The following MYO7B variants were observed in gnomAD, a reference collection of about 807,000 sequenced individuals.
The protein encoded by MYO7B is myosin VIIB.
A neutral mutation model predicts 259.7 loss-of-function variants in MYO7B; 212 were observed. The observed-to-expected ratio is 0.82, with a 90% confidence interval of 0.73 to 0.91. MYO7B has a LOEUF of 0.91. Ranked by LOEUF, MYO7B falls within the 40% of genes least tolerant of loss-of-function variation. MYO7B has a pLI of 0.00. For synonymous variants in MYO7B, 1,197 were observed against 1,166.4 expected (o/e 1.03, Z -0.54); for missense variants, 2,732 against 2,813.5 (o/e 0.97, Z 0.66).
At chr2:127,612,165 G>A (rs932955971) in intron 24 of MYO7B, 85 bp from the exon 25 acceptor site, 14 of 502,950 alleles carry the variant, frequency 2.8e-5, no homozygotes, top group South Asian at 1.2e-4. Context: ...AAAGGGACAC[G>A]TGCTCCACCC....
chr2:127,569,207 C>CAAAA (rs35076829), intron 5 of MYO7B, among the ~76,000 whole-genome samples: 5 of 77,390 alleles, frequency 6.5e-5, no homozygotes, highest in African/African-American at 9.1e-5. Flanking sequence ...GACTCCGTCT[C>CAAAA]AAAAAAAAAA....
At chr2:127,540,289 G>A (rs766088398) in intron 1 of MYO7B, among the ~76,000 whole-genome samples, 2 of 151,536 alleles carry the variant, frequency 1.3e-5, no homozygotes, top group South Asian at 2.1e-4. Flanking sequence ...TCAGCCTCCC[G>A]AGTAGCTGGG....
rs768095367 is a variant in MYO7B, at chr2:127,634,210, A to G, written c.5546A>G (p.Asp1849Gly). The G allele has an allele frequency of 1.9e-6, 3 of 1,604,572 alleles. No homozygotes were observed. The highest frequency in any genetic ancestry group is 3.5e-5 in the Admixed American group (2 of 57,702). The part of the protein sequence containing the change: ...LEVVANTRVR[D>G]VCDSIATRLQ... ...GTGGTTGCCAACACACGGGTGCGGGATGTGTGTGACAGCATTGCCACCAGG... is the reference window on the plus strand; with the variant it reads ...GTGGTTGCCAACACACGGGTGCGGGGTGTGTGTGACAGCATTGCCACCAGG... The change falls in exon 41 of 48, where the codon GAT becomes GGT. Residue 1849 changes from aspartate (D) to glycine (G), a missense_variant. Around this residue, in one of 3 missense-constraint regions of MYO7B, gnomAD observed 821 missense variants for 769.3 expected, o/e 1.07. Transcript: ENST00000409816.
rs1678951051 is a variant in MYO7B at position 127,578,126 on chromosome 2, C to A, written c.850-7C>A. On this transcript the variant is annotated splice_polypyrimidine_tract_variant and splice_region_variant and intron_variant, in intron 8 of 47. Transcript: ENST00000409816. ...GGCCCCATTCACTGAGGCACCCTGTCCCTCAGGGGAACTGCACTTCCTGTG... is the reference window on the plus strand; with the variant it reads ...GGCCCCATTCACTGAGGCACCCTGTACCTCAGGGGAACTGCACTTCCTGTG... 1.2e-5 allele frequency: 19 copies of A among 1,613,304 alleles called. No individual in the cohort carries two copies. The highest frequency in any genetic ancestry group is 1.5e-5 in the Non-Finnish European group (18 of 1,179,714).
In MYO7B at chr2:127,566,840, G is replaced by C; in HGVS notation, c.470+13G>C. On this transcript the variant is annotated intron_variant, in intron 5 of 47. Transcript: ENST00000409816. Reference sequence around the variant, plus strand: ...GCTGCATCATCAGGTGAGGCAGAGGGGTCAGGCACCACCTCCAGGCATCTC... The same window carrying C: ...GCTGCATCATCAGGTGAGGCAGAGGCGTCAGGCACCACCTCCAGGCATCTC... 1 of 1,602,676 alleles carries C rather than the reference G, an allele frequency of 6.2e-7. No individual in the cohort carries two copies. Among genetic ancestry groups the C allele is most frequent in the Non-Finnish European group, 8.5e-7 (1 of 1,177,148 alleles).
intron 26 of MYO7B, among the ~76,000 whole-genome samples, chr2:127,617,566 C>T (rs12692067): frequency 7.2e-6 from 1 of 139,178 alleles, no homozygotes; most frequent in Admixed American, 7.2e-5. Context: ...GCAGTGGCGC[C>T]ATCTCGGCTC....
intron 5 of MYO7B, among the ~76,000 whole-genome samples, chr2:127,567,126 G>A (rs577702262): frequency 6.6e-5 from 10 of 152,252 alleles, no homozygotes; most frequent in African/African-American, 2.2e-4. Flanking sequence ...CCCAGGAGTC[G>A]GGCATAGTAG....
chr2:127,603,839 T>C lies in MYO7B; in HGVS notation c.2340-2005T>C, dbSNP rs566102869. Reference sequence around the variant, plus strand: ...CCAATATAAGGCTGTTTTGTCTACATTGAAAATCTGTTGGCCAGGTGTGGT... The same window carrying C: ...CCAATATAAGGCTGTTTTGTCTACACTGAAAATCTGTTGGCCAGGTGTGGT... On this transcript the variant is annotated intron_variant, in intron 19 of 47. Transcript: ENST00000409816. Among the ~76,000 whole-genome samples, 17 of 152,334 alleles carry C rather than the reference T, an allele frequency of 1.1e-4. No individual in the cohort carries two copies. In the South Asian group the frequency reaches 3.3e-3, roughly 30 times the overall value.
Position 127,627,542 on chromosome 2 carries a change from C to T in MYO7B, c.4460+232C>T, listed in dbSNP as rs762796919. On this transcript the variant is annotated intron_variant, in intron 33 of 47. Coordinates refer to ENST00000409816, the MANE Select transcript of MYO7B (RefSeq NM_001393586.1). The surrounding 1 kb of genome is among the most constrained non-coding windows in gnomAD (Gnocchi z 5.6). ...GGGGCATCACGCGTTGCACTGGCAG[C>T]TTCTCTTTGAAACCCAGGTCCACCC... 1 of 670,694 alleles carries T rather than the reference C, an allele frequency of 1.5e-6. No homozygotes were observed. 41.5% of individuals were successfully genotyped at this position (670,694 alleles called of 1,614,324 possible).
At position 127,628,150 on chromosome 2, in the gene MYO7B, C is replaced by T. The variant is rs1044348544; in HGVS notation, c.4461-222C>T. 3 of 684,612 alleles carry T rather than the reference C, an allele frequency of 4.4e-6. No individual in the cohort carries two copies. The highest frequency in any genetic ancestry group is 8.0e-6 in the Non-Finnish European group (3 of 376,366). The allele number at this position is 684,612 out of a possible 1,614,324, so 42.4% of individuals were successfully genotyped here. ...CATTATCTGCCCACAGCCAACCCCA[C>T]ACATGGGCTGCACCACTCTCAGCCT... On this transcript the variant is annotated intron_variant, in intron 33 of 47. Transcript: ENST00000409816. The surrounding 1 kb of genome is among the most constrained non-coding windows in gnomAD (Gnocchi z 4.8).
rs939878097 is a variant in MYO7B, at chr2:127,546,745, C to A, written c.-24+10914C>A. On this transcript the variant is annotated intron_variant, in intron 1 of 47. Coordinates refer to ENST00000409816, the MANE Select transcript of MYO7B (RefSeq NM_001393586.1). This position sits in a 1 kb window ranked among gnomAD's most constrained non-coding sequence, Gnocchi z 4.2. Reference sequence around the variant, plus strand: ...GCTTCCTGTAAGGGGCAATGCCTCACCTGCTTTCCTGGGTAGGTCCATCCA... The same window carrying A: ...GCTTCCTGTAAGGGGCAATGCCTCAACTGCTTTCCTGGGTAGGTCCATCCA... Among the ~76,000 whole-genome samples, 25 of 151,890 alleles carry A rather than the reference C, an allele frequency of 1.6e-4. No individual in the cohort carries two copies. The Middle Eastern group carries it at 0.014, about 83-fold the overall frequency.
chr2:127,570,869 G>T (rs1174032460), intron 6 of MYO7B, among the ~76,000 whole-genome samples: 1 of 151,508 alleles, frequency 6.6e-6, no homozygotes, highest in African/African-American at 2.4e-5. Context: ...GTAGCCTTTT[G>T]TGTCTAGTTA....
chr2:127,536,932 C>T (rs1222788065), intron 1 of MYO7B, among the ~76,000 whole-genome samples: 35 of 152,210 alleles, frequency 2.3e-4, no homozygotes, highest in Admixed American at 2.3e-3. Context: ...GCATCCACAG[C>T]TCTAGCACGG....
intron 9 of MYO7B, among the ~76,000 whole-genome samples, chr2:127,578,534 G>C (rs1268411681): frequency 1.3e-5 from 2 of 152,194 alleles, no homozygotes; most frequent in Non-Finnish European, 2.9e-5. Context: ...GGACCCAAAA[G>C]GGCTTCCCCC....
intron 43 of MYO7B, 87 bp downstream of exon 43, chr2:127,635,313 G>A: frequency 7.7e-7 from 1 of 1,300,636 alleles, no homozygotes. Context: ...GCAGGCCAGG[G>A]CAGGGCCAGC....
Position 127,579,359 on chromosome 2 carries a change from A to T in MYO7B, c.1003+1073A>T, listed in dbSNP as rs140507668. Among the ~76,000 whole-genome samples, 3 of 152,322 alleles carry T rather than the reference A, an allele frequency of 2.0e-5. No homozygotes were observed. In the East Asian group the frequency reaches 5.8e-4, roughly 29 times the overall value. ...ATGGGGTGTCCATATAGAAAACAAA[A>T]GCTTGGGCCACCATCTCACGCCATG... On this transcript the variant is annotated intron_variant, in intron 9 of 47. Coordinates refer to ENST00000409816, the MANE Select transcript of MYO7B (RefSeq NM_001393586.1).
At position 127,611,048 on chromosome 2, in the gene MYO7B, C is replaced by G. The variant is rs1288038475; in HGVS notation, c.3192+1032C>G. On this transcript the variant is annotated intron_variant, in intron 24 of 47. Transcript: ENST00000409816. This position sits in a 1 kb window ranked among gnomAD's most constrained non-coding sequence, Gnocchi z 5.4. The stretch of plus-strand genomic sequence containing the variant: ...TCAGGGTCCCTCATGAGGTTGCTGT[C>G]AAGCTGTCCCCTGGGGATGGTGTCA... Among the ~76,000 whole-genome samples the G allele has an allele frequency of 6.6e-6, 1 of 152,254 alleles. No homozygotes were observed. The highest frequency in any genetic ancestry group is 1.5e-5 in the Non-Finnish European group (1 of 68,040).
At chr2:127,617,353 CAAAA>C (rs1048969063) in intron 26 of MYO7B, among the ~76,000 whole-genome samples, 2 of 152,078 alleles carry the variant, frequency 1.3e-5, no homozygotes, top group South Asian at 4.2e-4. Context: ...AAACTCCAAA[CAAAA>C]AAGAGAAGAG....
Position 127,581,976 on chromosome 2 carries a change from C to G in MYO7B, c.1166C>G (p.Ala389Gly), listed in dbSNP as rs377073772. Reference sequence around the variant, plus strand: ...TTTGTCACCAGGTCCCTGAACATTGCCCAGGCTGCTGACCGGAGGGACGCC... The same window carrying G: ...TTTGTCACCAGGTCCCTGAACATTGGCCAGGCTGCTGACCGGAGGGACGCC... Reference protein sequence around the residue: ...GEFVTRSLNIAQAADRRDAFV... With the variant: ...GEFVTRSLNIGQAADRRDAFV... Residue 389 changes from alanine to glycine, a missense_variant, in exon 11 of 48, where the codon GCC becomes GGC. Coordinates refer to ENST00000409816, the MANE Select transcript of MYO7B (RefSeq NM_001393586.1). The G allele has an allele frequency of 4.5e-5, 73 of 1,613,792 alleles. No homozygotes were observed. Among genetic ancestry groups the G allele is most frequent in the Non-Finnish European group, 6.0e-5 (71 of 1,179,886 alleles).
Sources: gnomAD v4.1 joint callset for allele counts (sites outside exome capture counted in the v4.1 genomes callset) on GRCh38, gnomAD v4.1.1 for gene constraint, gnomAD v4.1.1 regional missense constraint, Gnocchi (gnomAD v3.1) non-coding constraint, MANE v1.5 for transcripts, NCBI Gene and HGNC (gene_info 2026-07-23, HGNC 2026-07-21) for gene names.